The following SYCP1 variants were observed in gnomAD, a reference collection of about 807,000 sequenced individuals.
SYCP1 encodes synaptonemal complex protein 1.
Under a neutral mutation model 153.1 loss-of-function variants are expected in SYCP1, and 64 were observed. That is an observed-to-expected ratio of 0.42 (90% CI 0.34 to 0.51). The LOEUF is 0.51. Among genes scored for constraint, SYCP1 ranks in the 20% least tolerant of loss-of-function variants. The probability of loss-of-function intolerance (pLI) is 0.06; values close to 1 mark genes in which losing one functional copy is unlikely to be tolerated. For synonymous variants in SYCP1, 384 were observed against 341.8 expected, an observed-to-expected ratio of 1.12 and a Z score of -1.36; for missense variants, 997 against 1,049.0, an observed-to-expected ratio of 0.95 and a Z score of 0.68.
At chr1:114,902,354 T>C (rs767322632) in intron 16 of SYCP1, among the ~76,000 whole-genome samples, 18 of 152,254 alleles carry the variant, frequency 1.2e-4, no homozygotes, top group Middle Eastern at 6.8e-3. Flanking sequence ...AACAATATGT[T>C]GTAGGAAAAA....
At chr1:114,861,674 G>A (rs1186315271) in intron 8 of SYCP1, among the ~76,000 whole-genome samples, 2 of 152,016 alleles carry the variant, frequency 1.3e-5, no homozygotes, top group African/African-American at 2.4e-5. Context: ...ATGCCTCTTA[G>A]TATTGTCCTG....
At chr1:114,954,320 A>G (rs1488924960) in intron 27 of SYCP1, among the ~76,000 whole-genome samples, 1 of 151,894 alleles carries the variant, frequency 6.6e-6, no homozygotes, top group Non-Finnish European at 1.5e-5. Flanking sequence ...TGTTTCCTAT[A>G]TGCTTATCAT....
intron 27 of SYCP1, among the ~76,000 whole-genome samples, chr1:114,966,539 G>A (rs760713633): frequency 5.9e-5 from 9 of 152,226 alleles, no homozygotes; most frequent in Admixed American, 6.5e-5. Context: ...ATTCTGGTAC[G>A]TTGTGTGTTT....
chr1:114,872,014 T>G (rs1665178574), intron 8 of SYCP1, among the ~76,000 whole-genome samples: 1 of 149,950 alleles, frequency 6.7e-6, no homozygotes, highest in Non-Finnish European at 1.5e-5. Flanking sequence ...TTCTTTTTTT[T>G]TTTTTTTGGC....
intron 30 of SYCP1, among the ~76,000 whole-genome samples, chr1:114,990,007 C>T (rs908334122): frequency 4.6e-5 from 7 of 151,976 alleles, no homozygotes; most frequent in Non-Finnish European, 7.4e-5. Flanking sequence ...TTAGGTCTAA[C>T]AGACATGTAT....
At position 114,909,827 on chromosome 1, in the gene SYCP1, C is replaced by A. The variant is rs547638343; in HGVS notation, c.1321-570C>A. Reference sequence around the variant, plus strand: ...TCCTTGATATAATTTAAACACTTTTCATCTTGCATTTGTTTTGGCACAGTA... The same window carrying A: ...TCCTTGATATAATTTAAACACTTTTAATCTTGCATTTGTTTTGGCACAGTA... On this transcript the variant is annotated intron_variant, in intron 16 of 31. Coordinates refer to ENST00000369522, the MANE Select transcript of SYCP1 (RefSeq NM_003176.4). Among the ~76,000 whole-genome samples the A allele has an allele frequency of 2.0e-5, 3 of 152,236 alleles. No homozygotes were observed. The South Asian group carries it at 6.2e-4, about 32-fold the overall frequency.
intron 20 of SYCP1, among the ~76,000 whole-genome samples, chr1:114,918,929 G>A (rs360578): frequency 0.62 from 94,141 of 151,658 alleles, 29,520 homozygotes; most frequent in African/African-American, 0.67. Context: ...AAATATACAT[G>A]TTTCCAAGAA....
At chr1:114,989,746 A>G (rs1032136051) in intron 30 of SYCP1, among the ~76,000 whole-genome samples, 3 of 151,996 alleles carry the variant, frequency 2.0e-5, no homozygotes, top group African/African-American at 7.2e-5. Context: ...TTTAAATTAA[A>G]AAGTGCAAGA....
rs756190107 is a variant in SYCP1, at chr1:114,913,023, T to TA, written c.1530-4dup. 379 of 1,547,528 alleles carry TA rather than the reference T, an allele frequency of 2.4e-4. 2 individuals carry two copies. The African/African-American group carries it at 4.8e-3, about 20-fold the overall frequency. ...AATATTTTGGTATGACTTTTTTTTT[T>TA]AAAAAATAGGCTTAAGAATACTGAA... On this transcript the variant is annotated splice_polypyrimidine_tract_variant and intron_variant, in intron 18 of 31. Coordinates refer to ENST00000369522, the MANE Select transcript of SYCP1 (RefSeq NM_003176.4).
At position 114,984,863 on chromosome 1, in the gene SYCP1, C is replaced by CT. The variant is rs1673395751; in HGVS notation, c.2702dup (p.Leu901PhefsTer15). 1 of 1,399,758 alleles carries CT rather than the reference C, an allele frequency of 7.1e-7. No homozygotes were observed. The allele number at this position is 1,399,758 out of a possible 1,614,324, so 86.7% of individuals were successfully genotyped here. On this transcript the variant is annotated frameshift_variant, in exon 30 of 32. Transcript: ENST00000369522. LOFTEE classifies it high-confidence loss of function. ...TTCAGATAGTTCAGAAACTACTGAT[C>CT]TTTTGGTAAAAATTTTACAAATAAT...
In SYCP1 at chr1:114,860,824, T is replaced by A; in HGVS notation, c.598+15T>A. On this transcript the variant is annotated intron_variant, in intron 8 of 31. Transcript: ENST00000369522. ...GACAAAGAAATGTAAATATCTTTCT[T>A]GTTTTATGTGATTTTATCAATTTAT... 6.5e-7 allele frequency: 1 copy of A among 1,543,830 alleles called. No homozygotes were observed. The highest frequency in any genetic ancestry group is 8.8e-7 in the Non-Finnish European group (1 of 1,140,960).
chr1:114,971,495 C>T (rs764425582), intron 27 of SYCP1, among the ~76,000 whole-genome samples: 1 of 152,134 alleles, frequency 6.6e-6, no homozygotes, highest in Admixed American at 6.5e-5. Flanking sequence ...ATATCCAGAC[C>T]TCCAGTGTGT....
At chr1:114,943,647 G>C (rs1670521230) in intron 23 of SYCP1, among the ~76,000 whole-genome samples, 1 of 151,758 alleles carries the variant, frequency 6.6e-6, no homozygotes, top group Admixed American at 6.6e-5. Flanking sequence ...CTAATGAAGA[G>C]GGAGGGGCAT....
At chr1:114,926,136 G>A (rs1669234960) in intron 21 of SYCP1, 142 bp from the exon 22 acceptor site, 4 of 578,578 alleles carry the variant, frequency 6.9e-6, no homozygotes, top group Non-Finnish European at 1.0e-5. Context: ...TGTGATTTTA[G>A]TATAATTTTT....
rs753556077 is a variant in SYCP1, at chr1:114,947,248, G to T, written c.2250G>T (p.Glu750Asp). Residue 750 changes from glutamate (E) to aspartate (D), a missense_variant and splice_region_variant, in exon 27 of 32, where the codon GAG (glutamate) becomes GAT (aspartate). This residue lies in a region of SYCP1 where 712 missense variants were observed against 682.9 expected (regional missense o/e 1.04). Coordinates refer to ENST00000369522, the MANE Select transcript of SYCP1 (RefSeq NM_003176.4). ...QEQSSLRASL[E>D]IELSNLKAEL... ...ACTTCATGTTTCTTTTTCTTTAGGA[G>T]ATTGAACTATCCAATCTCAAAGCTG... 10 of 1,609,564 alleles carry T rather than the reference G, an allele frequency of 6.2e-6. No individual in the cohort carries two copies. In the Admixed American group the frequency reaches 1.5e-4, roughly 24 times the overall value.
intron 30 of SYCP1, among the ~76,000 whole-genome samples, chr1:114,992,790 A>G (rs1674014778): frequency 1.3e-5 from 2 of 151,626 alleles, no homozygotes; most frequent in Non-Finnish European, 3.0e-5. Flanking sequence ...ATTGGACTGC[A>G]TCAAAATTAA....
chr1:114,887,719 A>G lies in SYCP1; in HGVS notation c.1258+26A>G, dbSNP rs374969718. ...GTAAGACTTAGAGAATAATGTGTGT[A>G]CTTTAATAATATTAACTTATTATAG... On this transcript the variant is annotated intron_variant, in intron 15 of 31. Coordinates refer to ENST00000369522, the MANE Select transcript of SYCP1 (RefSeq NM_003176.4). The G allele has an allele frequency of 3.6e-6, 5 of 1,371,168 alleles. No homozygotes were observed. In the African/African-American group the frequency reaches 4.4e-5, roughly 12 times the overall value. The allele number at this position is 1,371,168 out of a possible 1,614,324, so 84.9% of individuals were successfully genotyped here.
At chr1:114,977,151 A>C (rs1356087050) in intron 27 of SYCP1, among the ~76,000 whole-genome samples, 1 of 151,792 alleles carries the variant, frequency 6.6e-6, no homozygotes, top group Non-Finnish European at 1.5e-5. Context: ...ACCTTTTCTC[A>C]ACATGCATAG....
At position 114,963,330 on chromosome 1, in the gene SYCP1, A is replaced by T. The variant is rs554019530; in HGVS notation, c.2323-14227A>T. On this transcript the variant is annotated intron_variant, in intron 27 of 31. Transcript: ENST00000369522. ...ATTTTCTTAGGTTGGTTTGTTTAACATAATCCCAAGCTTCTTGGAGGCTTT... is the reference window on the plus strand; with the variant it reads ...ATTTTCTTAGGTTGGTTTGTTTAACTTAATCCCAAGCTTCTTGGAGGCTTT... Among the ~76,000 whole-genome samples the T allele has an allele frequency of 7.0e-4, 107 of 152,292 alleles. No homozygotes were observed. The South Asian group carries it at 0.013, about 19-fold the overall frequency.
Sources: gnomAD v4.1 joint callset for allele counts (sites outside exome capture counted in the v4.1 genomes callset) on GRCh38, gnomAD v4.1.1 for gene constraint, gnomAD v4.1.1 regional missense constraint, MANE v1.5 for transcripts, NCBI Gene and HGNC (gene_info 2026-07-23, HGNC 2026-07-21) for gene names.